The following NKAIN2 variants were observed in gnomAD, a reference collection of about 807,000 sequenced individuals.
NKAIN2 encodes sodium/potassium-transporting ATPase subunit beta-1-interacting protein 2.
In NKAIN2, 14 loss-of-function variants were observed where a neutral mutation model predicts 32.6. That is an observed-to-expected ratio of 0.43 (90% confidence interval 0.28 to 0.67). The LOEUF (loss-of-function observed/expected upper bound fraction) is 0.67, where lower values mean the gene tolerates loss of function less well. NKAIN2 is among the 30% of genes least tolerant of loss of function. NKAIN2 has a pLI of 0.17. For synonymous variants in NKAIN2, 80 were observed against 87.2 expected, an observed-to-expected ratio of 0.92 and a Z score of 0.46; for missense variants, 198 against 258.3, an observed-to-expected ratio of 0.77 and a Z score of 1.60.
chr6:123,870,893 G>GTA (rs1772835319), intron 1 of NKAIN2, among the ~76,000 whole-genome samples: 3 of 151,900 alleles, frequency 2.0e-5, no homozygotes, highest in African/African-American at 7.3e-5. Flanking sequence ...TATATAGAGT[G>GTA]TATATATATG....
chr6:124,632,539 C>A (rs1164628874), intron 3 of NKAIN2, among the ~76,000 whole-genome samples: 1 of 152,200 alleles, frequency 6.6e-6, no homozygotes, highest in South Asian at 2.1e-4. Flanking sequence ...TGAGTGAATA[C>A]CCCCTCCTCT....
intron 1 of NKAIN2, among the ~76,000 whole-genome samples, chr6:124,136,555 A>G (rs1786799467): frequency 6.6e-6 from 1 of 152,164 alleles, no homozygotes; most frequent in Non-Finnish European, 1.5e-5. Flanking sequence ...AAATAACAAA[A>G]AAGAAAACTA....
At chr6:124,712,393 AATGGCGGGCGC>A (rs1428189035) in intron 4 of NKAIN2, among the ~76,000 whole-genome samples, 2 of 116,200 alleles carry the variant, frequency 1.7e-5, no homozygotes, top group Non-Finnish European at 3.6e-5. Context: ...AAGCCTGGGC[AATGGCGGGCGC>A]CCCTCCCCCA....
intron 3 of NKAIN2, among the ~76,000 whole-genome samples, chr6:124,606,240 A>G (rs1354142316): frequency 2.6e-5 from 4 of 151,990 alleles, no homozygotes; most frequent in Admixed American, 2.6e-4. Flanking sequence ...AGAGAAAAAA[A>G]AAATAGCATC....
intron 3 of NKAIN2, among the ~76,000 whole-genome samples, chr6:124,397,669 A>G (rs1262432013): frequency 2.0e-5 from 3 of 152,164 alleles, no homozygotes; most frequent in Non-Finnish European, 2.9e-5. Context: ...TAAATTGTAT[A>G]CATTTGAAAT....
chr6:123,908,120 G>T (rs1161258018), intron 1 of NKAIN2, among the ~76,000 whole-genome samples: 1 of 152,132 alleles, frequency 6.6e-6, no homozygotes, highest in East Asian at 1.9e-4. Context: ...CTATGTCCAA[G>T]AACAGGTAAT....
intron 1 of NKAIN2, among the ~76,000 whole-genome samples, chr6:123,851,415 A>G (rs1039822305): frequency 2.6e-5 from 4 of 151,644 alleles, no homozygotes; most frequent in Admixed American, 1.3e-4. Context: ...ATGCCTGGCT[A>G]AGTTTTGTAT....
intron 1 of NKAIN2, among the ~76,000 whole-genome samples, chr6:124,240,948 A>G (rs1793059428): frequency 6.6e-6 from 1 of 152,172 alleles, no homozygotes; most frequent in Admixed American, 6.5e-5. Context: ...GAGGGAGTCA[A>G]ATTGCCTCTG....
intron 1 of NKAIN2, among the ~76,000 whole-genome samples, chr6:123,833,792 A>G (rs556102524): frequency 6.2e-5 from 9 of 144,966 alleles, no homozygotes; most frequent in Middle Eastern, 3.7e-3. Flanking sequence ...CAGTGGCACG[A>G]TCTCGGCTCA....
At chr6:123,986,423 G>T (rs1358889194) in intron 1 of NKAIN2, among the ~76,000 whole-genome samples, 1 of 152,078 alleles carries the variant, frequency 6.6e-6, no homozygotes, top group Non-Finnish European at 1.5e-5. Context: ...TGCCTCAGTT[G>T]CCCAGGTATA....
intron 4 of NKAIN2, among the ~76,000 whole-genome samples, chr6:124,687,379 A>C (rs1188559233): frequency 2.3e-5 from 3 of 127,940 alleles, no homozygotes; most frequent in African/African-American, 8.6e-5. Context: ...ACATACATGG[A>C]ATATATATAT....
intron 1 of NKAIN2, among the ~76,000 whole-genome samples, chr6:124,133,001 C>T (rs965869190): frequency 6.6e-5 from 10 of 152,282 alleles, no homozygotes; most frequent in South Asian, 4.1e-4. Flanking sequence ...AGTCATTTCT[C>T]GCAACAGGGA....
chr6:124,299,054 T>A (rs1796184507), intron 2 of NKAIN2, among the ~76,000 whole-genome samples: 1 of 152,238 alleles, frequency 6.6e-6, no homozygotes, highest in Non-Finnish European at 1.5e-5. Flanking sequence ...GGGAATTCAC[T>A]GCCCTGGCAG....
At chr6:123,974,443 G>A (rs747732155) in intron 1 of NKAIN2, among the ~76,000 whole-genome samples, 16 of 152,006 alleles carry the variant, frequency 1.1e-4, no homozygotes, top group Non-Finnish European at 2.1e-4. Context: ...AAATTACCAC[G>A]GTTCTTCTAA....
intron 4 of NKAIN2, among the ~76,000 whole-genome samples, chr6:124,756,035 T>TGAAA: frequency 6.6e-6 from 1 of 152,226 alleles, no homozygotes; most frequent in South Asian, 2.1e-4. Flanking sequence ...AATGAATGAA[T>TGAAA]GAATGAATGC....
At chr6:123,914,271 G>C (rs962295368) in intron 1 of NKAIN2, among the ~76,000 whole-genome samples, 1 of 151,924 alleles carries the variant, frequency 6.6e-6, no homozygotes, top group Non-Finnish European at 1.5e-5. Flanking sequence ...CACACAGAGA[G>C]AGACAGAGAC....
Position 124,417,712 on chromosome 6 carries a change from C to T in NKAIN2, c.273+62365C>T, listed in dbSNP as rs182677161. Among the ~76,000 whole-genome samples the T allele has an allele frequency of 5.9e-5, 9 of 152,210 alleles. No individual in the cohort carries two copies. The South Asian group carries it at 6.2e-4, about 11-fold the overall frequency. On this transcript the variant is annotated intron_variant, in intron 3 of 6. Coordinates refer to ENST00000368417, the MANE Select transcript of NKAIN2 (RefSeq NM_001040214.3). Reference sequence around the variant, plus strand: ...GTAGAACTCATAGGCATATTTTGAACGTGATGGTGGCCAAAGTGAACAATG... The same window carrying T: ...GTAGAACTCATAGGCATATTTTGAATGTGATGGTGGCCAAAGTGAACAATG...
At chr6:124,239,605 A>C (rs559147159) in intron 1 of NKAIN2, among the ~76,000 whole-genome samples, 7 of 152,232 alleles carry the variant, frequency 4.6e-5, no homozygotes, top group African/African-American at 1.4e-4. Context: ...TCAACACCAC[A>C]CAACTACATG....
At chr6:123,815,922 A>G (rs1773673969) in intron 1 of NKAIN2, among the ~76,000 whole-genome samples, 1 of 152,160 alleles carries the variant, frequency 6.6e-6, no homozygotes, top group South Asian at 2.1e-4. Context: ...TAAATGTGGC[A>G]TGGTAGATAT....
Sources: allele counts gnomAD v4.1 joint callset (sites outside exome capture counted in the v4.1 genomes callset), GRCh38; gene constraint gnomAD v4.1.1; transcripts MANE v1.5; gene names NCBI Gene and HGNC (gene_info 2026-07-23, HGNC 2026-07-21).